The following ZMAT4 variants were observed in gnomAD, a reference collection of about 807,000 sequenced individuals.
ZMAT4 encodes the protein zinc finger matrin-type 4.
A neutral mutation model predicts 28.7 loss-of-function variants in ZMAT4; 17 were observed. The observed-to-expected ratio is 0.59, with a 90% confidence interval of 0.41 to 0.89. The LOEUF (loss-of-function observed/expected upper bound fraction) is 0.89. Ranked by LOEUF, ZMAT4 falls within the 40% of genes least tolerant of loss-of-function variation. The probability of loss-of-function intolerance (pLI) is 0.00; values close to 1 mark genes in which losing one functional copy is unlikely to be tolerated. For missense variants in ZMAT4, 240 were observed against 283.8 expected (o/e 0.85, Z 1.11); for synonymous variants, 117 against 109.2 (o/e 1.07, Z -0.44).
intron 4 of ZMAT4, among the ~76,000 whole-genome samples, chr8:40,682,247 C>T (rs1382395773): frequency 1.3e-5 from 2 of 152,162 alleles, no homozygotes; most frequent in Non-Finnish European, 2.9e-5. Flanking sequence ...AAAAACACTG[C>T]TTAGGGACCT....
chr8:40,720,906 G>T (rs1476428423), intron 3 of ZMAT4, among the ~76,000 whole-genome samples: 1 of 152,128 alleles, frequency 6.6e-6, no homozygotes, highest in African/African-American at 2.4e-5. Context: ...GGAAATAGAG[G>T]CTCAGAGGCA....
chr8:40,554,805 T>C (rs1803478022), intron 6 of ZMAT4, among the ~76,000 whole-genome samples: 1 of 152,176 alleles, frequency 6.6e-6, no homozygotes, highest in Admixed American at 6.6e-5. Context: ...TTTCTATGTG[T>C]TGGTAATATT....
intron 5 of ZMAT4, among the ~76,000 whole-genome samples, chr8:40,650,051 A>C (rs372322213): frequency 1.2e-4 from 19 of 152,184 alleles, no homozygotes; most frequent in African/African-American, 3.9e-4. Flanking sequence ...CAAAAGCTAG[A>C]AGAAGGCAAG....
chr8:40,786,276 G>T (rs1233808077), intron 2 of ZMAT4, among the ~76,000 whole-genome samples: 2 of 152,126 alleles, frequency 1.3e-5, no homozygotes, highest in Non-Finnish European at 2.9e-5. Flanking sequence ...TTGGGCCAAA[G>T]TGAGAAAGGA....
chr8:40,687,374 C>T (rs548226847), intron 4 of ZMAT4, among the ~76,000 whole-genome samples: 11 of 152,048 alleles, frequency 7.2e-5, no homozygotes, highest in African/African-American at 2.4e-4. Context: ...CCGGGGAGGG[C>T]GGTTCTGGGA....
At chr8:40,859,624 A>C (rs1026402831) in intron 1 of ZMAT4, among the ~76,000 whole-genome samples, 1 of 152,232 alleles carries the variant, frequency 6.6e-6, no homozygotes, top group Non-Finnish European at 1.5e-5. Context: ...TTTCTCCTCT[A>C]CAAGTCTATA....
At position 40,572,920 on chromosome 8, in the gene ZMAT4, G is replaced by A. The variant is rs759107409; in HGVS notation, c.674+8245C>T. On this transcript the variant is annotated intron_variant, in intron 6 of 6. Transcript: ENST00000297737. Reference sequence around the variant, plus strand: ...TATCATAATAGTAGTAGTAATAAAGGCATATGACCTGACTTTTGCCTCTGC... The same window carrying A: ...TATCATAATAGTAGTAGTAATAAAGACATATGACCTGACTTTTGCCTCTGC... 5.3e-4 allele frequency among the ~76,000 whole-genome samples: 80 copies of A among 152,084 alleles called. 1 individual carries two copies. The highest frequency in any genetic ancestry group is 4.4e-5 in the Non-Finnish European group (3 of 68,000).
At chr8:40,651,771 A>G (rs1807667649) in intron 5 of ZMAT4, among the ~76,000 whole-genome samples, 1 of 149,170 alleles carries the variant, frequency 6.7e-6, no homozygotes, top group South Asian at 2.2e-4. Flanking sequence ...CCTCAGAAAT[A>G]ACGCCGCATA....
intron 1 of ZMAT4, among the ~76,000 whole-genome samples, chr8:40,897,158 T>A (rs912825953): frequency 6.6e-6 from 1 of 151,828 alleles, no homozygotes. Context: ...GGGGAATGTC[T>A]CCTTCCACCA....
intron 1 of ZMAT4, among the ~76,000 whole-genome samples, chr8:40,884,279 G>A (rs73678044): frequency 0.012 from 1,694 of 146,246 alleles, 37 homozygotes; most frequent in African/African-American, 0.041. Context: ...ACCCACTCAA[G>A]GCCATTCTCA....
At chr8:40,670,615 A>G (rs928479936) in intron 5 of ZMAT4, among the ~76,000 whole-genome samples, 3 of 152,374 alleles carry the variant, frequency 2.0e-5, no homozygotes, top group African/African-American at 7.2e-5. Context: ...GAAAATATTC[A>G]TAATGCATAT....
At chr8:40,536,715 C>A (rs1317841575) in intron 6 of ZMAT4, among the ~76,000 whole-genome samples, 1 of 151,972 alleles carries the variant, frequency 6.6e-6, no homozygotes, top group South Asian at 2.1e-4. Flanking sequence ...TCTTCCAGAT[C>A]GTGTTTCCTG....
intron 1 of ZMAT4, among the ~76,000 whole-genome samples, chr8:40,857,515 G>A (rs549215563): frequency 6.3e-4 from 96 of 152,306 alleles, no homozygotes; most frequent in African/African-American, 2.2e-3. Context: ...TAAAAAGGCT[G>A]ACAATACATA....
intron 1 of ZMAT4, among the ~76,000 whole-genome samples, chr8:40,859,795 TG>T (rs1396266086): frequency 6.7e-6 from 1 of 149,618 alleles, no homozygotes; most frequent in Non-Finnish European, 1.5e-5. Flanking sequence ...GAGGGGTGAG[TG>T]GAAAAAAAAA....
At chr8:40,601,709 G>GAAAGAAAGA (rs1805392908) in intron 5 of ZMAT4, among the ~76,000 whole-genome samples, 1 of 39,996 alleles carries the variant, frequency 2.5e-5, no homozygotes, top group Non-Finnish European at 8.0e-5. Flanking sequence ...AGAAAGAAAA[G>GAAAGAAAGA]AAAGAAAGAA....
chr8:40,784,813 C>G (rs779269078), intron 2 of ZMAT4, among the ~76,000 whole-genome samples: 2 of 152,128 alleles, frequency 1.3e-5, no homozygotes, highest in African/African-American at 2.4e-5. Context: ...TGCCTAAGGT[C>G]AAATCCATCC....
intron 3 of ZMAT4, among the ~76,000 whole-genome samples, chr8:40,705,922 T>G (rs1233514181): frequency 1.3e-5 from 2 of 152,250 alleles, no homozygotes; most frequent in East Asian, 3.8e-4. Flanking sequence ...CAAGTGTATA[T>G]TTCACACTGA....
intron 1 of ZMAT4, among the ~76,000 whole-genome samples, chr8:40,885,471 T>G (rs1818421110): frequency 6.6e-6 from 1 of 152,248 alleles, no homozygotes; most frequent in African/African-American, 2.4e-5. Flanking sequence ...CACTCCACTG[T>G]ACTGTCAACA....
chr8:40,819,359 TC>T (rs752653508), intron 2 of ZMAT4, among the ~76,000 whole-genome samples: 121 of 152,318 alleles, frequency 7.9e-4, no homozygotes, highest in South Asian at 2.3e-3. Flanking sequence ...CATTGGGGTC[TC>T]AAGTACAGAC....
Sources: gnomAD v4.1 joint callset for allele counts (sites outside exome capture counted in the v4.1 genomes callset) on GRCh38, gnomAD v4.1.1 for gene constraint, MANE v1.5 for transcripts, NCBI Gene and HGNC (gene_info 2026-07-23, HGNC 2026-07-21) for gene names.